CDH23: variants seen among roughly 807,000 people sequenced by gnomAD.
The protein encoded by CDH23 is cadherin related 23.
In CDH23, 189 loss-of-function variants were observed where a neutral mutation model predicts 317.1. The ratio of observed to expected loss-of-function variants is 0.60; its 90% CI spans 0.53 to 0.67. The LOEUF (loss-of-function observed/expected upper bound fraction) is 0.67, where lower values mean the gene tolerates loss of function less well. CDH23 is among the 30% of genes least tolerant of loss of function. The probability of loss-of-function intolerance (pLI) is 0.00; values close to 1 mark genes in which losing one functional copy is unlikely to be tolerated. For synonymous variants in CDH23, 1,839 were observed against 1,876.8 expected (o/e 0.98, Z 0.52); for missense variants, 4,401 against 4,592.4 (o/e 0.96, Z 1.20).
intron 3 of CDH23, among the ~76,000 whole-genome samples, chr10:71,453,518 C>T (rs998443712): frequency 1.1e-4 from 17 of 152,200 alleles, no homozygotes; most frequent in Non-Finnish European, 2.1e-4. Context: ...CTGGCAGGCA[C>T]GGAGGCATAG....
intron 48 of CDH23, chr10:71,796,003 A>T (rs1427888532): frequency 4.1e-6 from 4 of 985,670 alleles, no homozygotes; most frequent in East Asian, 2.3e-4. Flanking sequence ...CCCTCTCCCC[A>T]TCCTCGCTCC....
intron 1 of CDH23, among the ~76,000 whole-genome samples, chr10:71,422,663 G>A (rs971740134): frequency 4.6e-5 from 7 of 152,300 alleles, no homozygotes; most frequent in African/African-American, 1.7e-4. Context: ...GGCCCCCTGG[G>A]ATCTCAAGGC....
intron 13 of CDH23, 81 bp from the exon 14 acceptor site, chr10:71,646,378 G>C: frequency 1.3e-5 from 20 of 1,572,762 alleles, no homozygotes; most frequent in Non-Finnish European, 1.6e-5. Context: ...GCCGGCAAAG[G>C]CATGGAGAGG....
chr10:71,496,108 T>C (rs112823233), intron 3 of CDH23, among the ~76,000 whole-genome samples: 2,594 of 152,262 alleles, frequency 0.017, 59 homozygotes, highest in African/African-American at 0.054. Context: ...GTGGGAATCA[T>C]TTGAGGATTT....
At chr10:71,628,684 G>A (rs972774569) in intron 11 of CDH23, among the ~76,000 whole-genome samples, 10 of 152,244 alleles carry the variant, frequency 6.6e-5, no homozygotes, top group South Asian at 2.1e-4. Flanking sequence ...GTTTAGTAGC[G>A]ATGAGGTTTC....
At chr10:71,445,476 G>A (rs1209162476) in intron 2 of CDH23, among the ~76,000 whole-genome samples, 1 of 152,186 alleles carries the variant, frequency 6.6e-6, no homozygotes, top group Non-Finnish European at 1.5e-5. Flanking sequence ...TTCTGCTAGA[G>A]CCACACTGCC....
At chr10:71,454,040 A>G (rs1850574673) in intron 3 of CDH23, among the ~76,000 whole-genome samples, 1 of 152,178 alleles carries the variant, frequency 6.6e-6, no homozygotes, top group Non-Finnish European at 1.5e-5. Flanking sequence ...AACAGTCTGT[A>G]TTGTCCACCT....
intron 9 of CDH23, among the ~76,000 whole-genome samples, chr10:71,609,472 A>G (rs1860730546): frequency 6.6e-6 from 1 of 152,116 alleles, no homozygotes; most frequent in Admixed American, 6.5e-5. Flanking sequence ...ACCGTCCCTC[A>G]GTATCTTAAA....
intron 38 of CDH23, chr10:71,753,154 C>T: frequency 3.9e-6 from 3 of 760,052 alleles, no homozygotes; most frequent in Non-Finnish European, 5.7e-6. Flanking sequence ...CACATGGGTG[C>T]TGTCCAGCAA....
At position 71,503,760 on chromosome 10, in the gene CDH23, T is replaced by A. The variant is rs181556684; in HGVS notation, c.146-6322T>A. On this transcript the variant is annotated intron_variant, in intron 3 of 69. Transcript: ENST00000224721. The stretch of plus-strand genomic sequence containing the variant: ...AGCTAGACTCTGCTGATTGAGAATT[T>A]GAGGAAGGCCTCCCCAACGTGCTAA... 3.7e-3 allele frequency among the ~76,000 whole-genome samples: 565 copies of A among 152,302 alleles called. 2 individuals carry two copies. The highest frequency in any genetic ancestry group is 5.1e-3 in the Non-Finnish European group (344 of 68,034).
chr10:71,709,642 A>C lies in CDH23; in HGVS notation c.3220+431A>C, dbSNP rs186397820. Among the ~76,000 whole-genome samples the C allele has an allele frequency of 1.5e-3, 232 of 152,310 alleles. 1 individual carries two copies. The highest frequency in any genetic ancestry group is 5.3e-3 in the African/African-American group (221 of 41,562). ...TAAAATAAAATAAACTGACTTCAGC[A>C]ATATGGGCTCACAAAACCAGTCCAC... On this transcript the variant is annotated intron_variant, in intron 27 of 69. Transcript: ENST00000224721.
intron 41 of CDH23, among the ~76,000 whole-genome samples, chr10:71,781,165 G>A (rs769379699): frequency 6.6e-6 from 1 of 152,168 alleles, no homozygotes; most frequent in Non-Finnish European, 1.5e-5. Context: ...ACAAAGAGCG[G>A]TGCGAAGATT....
chr10:71,719,191 G>A (rs1358030018), intron 28 of CDH23, among the ~76,000 whole-genome samples: 1 of 152,238 alleles, frequency 6.6e-6, no homozygotes, highest in East Asian at 1.9e-4. Flanking sequence ...CCTTCCTGGA[G>A]CACGAGGCAA....
chr10:71,699,832 A>C (rs1291113939), intron 22 of CDH23, among the ~76,000 whole-genome samples: 1 of 152,004 alleles, frequency 6.6e-6, no homozygotes, highest in East Asian at 1.9e-4. Flanking sequence ...CCTCTCCTGT[A>C]CTCCCAACCT....
rs1017374668 is a variant in CDH23, at chr10:71,462,379, A to G, written c.145+15984A>G. ...GGCGCCCCACCGCCATCTGCTTTAGAGGGAGCCCTGCTGGAGCTGTGGGTC... is the reference window on the plus strand; with the variant it reads ...GGCGCCCCACCGCCATCTGCTTTAGGGGGAGCCCTGCTGGAGCTGTGGGTC... On this transcript the variant is annotated intron_variant, in intron 3 of 69. Coordinates refer to ENST00000224721, the MANE Select transcript of CDH23 (RefSeq NM_022124.6). Among the ~76,000 whole-genome samples the G allele has an allele frequency of 5.3e-5, 8 of 152,232 alleles. No homozygotes were observed. In the South Asian group the frequency reaches 6.2e-4, roughly 12 times the overall value.
intron 14 of CDH23, among the ~76,000 whole-genome samples, chr10:71,661,209 G>C (rs946040899): frequency 6.6e-6 from 1 of 152,138 alleles, no homozygotes; most frequent in Admixed American, 6.5e-5. Context: ...GAGATGTGAC[G>C]AGACAGAAAC....
In CDH23 at chr10:71,667,359, A is replaced by AGAGAGAGTGTGTGTGT. The variant is rs58361666; in HGVS notation, c.1450-7752_1450-7751insAGAGAGTGTGTGTGTG. ...GCTTGAGGCAGAGAAAGAGAGAGAG[A>AGAGAGAGTGTGTGTGT]GTGTGTGTGTGTGTGTGTGTGTGTG... is the stretch of plus-strand genomic sequence containing the variant. On this transcript the variant is annotated intron_variant, in intron 14 of 69. Coordinates refer to ENST00000224721, the MANE Select transcript of CDH23 (RefSeq NM_022124.6). Among the ~76,000 whole-genome samples the AGAGAGAGTGTGTGTGT allele has an allele frequency of 2.6e-3, 292 of 112,078 alleles. 1 individual carries two copies. The highest frequency in any genetic ancestry group is 0.022 in the East Asian group (77 of 3,438). 73.5% of individuals were successfully genotyped at this position (112,078 alleles called of 152,430 possible).
chr10:71,812,703 G>T, intron 67 of CDH23, 65 bp from the exon 68 acceptor site: 1 of 1,611,886 alleles, frequency 6.2e-7, no homozygotes, highest in South Asian at 1.1e-5. Context: ...TTTAAGGGGT[G>T]GCCCCCTCCC....
chr10:71,770,789 G>A (rs1434012212), intron 38 of CDH23, among the ~76,000 whole-genome samples: 4 of 152,152 alleles, frequency 2.6e-5, no homozygotes, highest in South Asian at 2.1e-4. Flanking sequence ...AGACCCCAGC[G>A]GAACCTTTGC....
Sources: gnomAD v4.1 joint callset for allele counts (sites outside exome capture counted in the v4.1 genomes callset) on GRCh38, gnomAD v4.1.1 for gene constraint, MANE v1.5 for transcripts, NCBI Gene and HGNC (gene_info 2026-07-23, HGNC 2026-07-21) for gene names.